The following CELF2 variants were observed in gnomAD, a reference collection of about 807,000 sequenced individuals.
CELF2 encodes CUGBP Elav-like family member 2.
A neutral mutation model predicts 62.6 loss-of-function variants in CELF2; 8 were observed. That is an observed-to-expected ratio of 0.13 (90% confidence interval 0.07 to 0.23). CELF2 has a LOEUF of 0.23. Among genes scored for constraint, CELF2 ranks in the 10% least tolerant of loss-of-function variants. The probability of loss-of-function intolerance (pLI) is 1.00; values close to 1 mark genes in which losing one functional copy is unlikely to be tolerated. For missense variants in CELF2, 333 were observed against 671.0 expected (o/e 0.50, Z 5.56); for synonymous variants, 258 against 250.0 (o/e 1.03, Z -0.30).
chr10:11,155,515 C>A (rs997645565), intron 1 of CELF2, among the ~76,000 whole-genome samples: 1 of 152,162 alleles, frequency 6.6e-6, no homozygotes, highest in African/African-American at 2.4e-5. Flanking sequence ...CCAGAGACCT[C>A]AAAGGGCATG....
the CELF2 span, among the ~76,000 whole-genome samples, chr10:10,723,211 T>C: frequency 6.6e-6 from 1 of 152,280 alleles, no homozygotes; most frequent in Admixed American, 6.5e-5. Context: ...GGTGGTGGTG[T>C]CGTTGTTGTT....
chr10:10,684,467 G>A, the CELF2 span, among the ~76,000 whole-genome samples: 8 of 152,158 alleles, frequency 5.3e-5, no homozygotes, highest in Non-Finnish European at 8.8e-5. Context: ...AATGAGCCAG[G>A]CACAGTGGCT....
At chr10:11,215,927 G>A (rs1050782860) in intron 2 of CELF2, among the ~76,000 whole-genome samples, 5 of 152,238 alleles carry the variant, frequency 3.3e-5, no homozygotes, top group South Asian at 4.2e-4. Flanking sequence ...GAAGTTGATC[G>A]GTTCAGTAAA....
intron 1 of CELF2, among the ~76,000 whole-genome samples, chr10:11,138,365 T>C (rs1009584491): frequency 1.6e-4 from 24 of 152,208 alleles, no homozygotes; most frequent in African/African-American, 5.8e-4. Flanking sequence ...TCCTGGGCAT[T>C]TTCTCTGTAG....
chr10:10,622,160 C>T, the CELF2 span, among the ~76,000 whole-genome samples: 7 of 152,162 alleles, frequency 4.6e-5, no homozygotes, highest in Admixed American at 1.3e-4. Context: ...GATTCTGAGG[C>T]GCTGCCAGGG....
the CELF2 span, among the ~76,000 whole-genome samples, chr10:10,502,404 G>C: frequency 1.3e-5 from 2 of 151,756 alleles, no homozygotes; most frequent in Admixed American, 6.6e-5. Flanking sequence ...CTCTGGGCCT[G>C]GATATTTAAG....
chr10:10,696,897 A>G, the CELF2 span, among the ~76,000 whole-genome samples: 1 of 152,124 alleles, frequency 6.6e-6, no homozygotes, highest in South Asian at 2.1e-4. Context: ...CTCCCTAGTG[A>G]GATGAACCCG....
In CELF2 at chr10:11,290,413, C is replaced by A. The variant is rs1203627746; in HGVS notation, c.976+1861C>A. On this transcript the variant is annotated intron_variant, in intron 9 of 12. Coordinates refer to ENST00000633077, the MANE Select transcript of CELF2 (RefSeq NM_001326342.2). The surrounding 1 kb of genome is among the most constrained non-coding windows in gnomAD (Gnocchi z 4.3). The stretch of plus-strand genomic sequence containing the variant: ...TGGGGGCTCTGTGGTGGACCGCGTC[C>A]GTTCCAGCCCACGTTGGGAGGAGTG... 6.6e-6 allele frequency among the ~76,000 whole-genome samples: 1 copy of A among 151,932 alleles called. No individual in the cohort carries two copies. Among genetic ancestry groups the A allele is most frequent in the Non-Finnish European group, 1.5e-5 (1 of 67,990 alleles).
At chr10:11,059,347 C>A (rs1373319894) in intron 1 of CELF2, among the ~76,000 whole-genome samples, 1 of 152,080 alleles carries the variant, frequency 6.6e-6, no homozygotes, top group African/African-American at 2.4e-5. Context: ...TTATACTGTA[C>A]CTGATCATTT....
In CELF2 at chr10:11,227,542, G is replaced by C. The variant is rs1457302283; in HGVS notation, c.354+10035G>C. Among the ~76,000 whole-genome samples, 1 of 152,210 alleles carries C rather than the reference G, an allele frequency of 6.6e-6. No homozygotes were observed. The highest frequency in any genetic ancestry group is 1.5e-5 in the Non-Finnish European group (1 of 68,030). ...TAGGATCAAAGGCTGAGCACTGGCT[G>C]CGATATTAGGGCCAGTTCTGGGTTG... On this transcript the variant is annotated intron_variant, in intron 3 of 12. Transcript: ENST00000633077. This position sits in a 1 kb window ranked among gnomAD's most constrained non-coding sequence, Gnocchi z 4.8.
chr10:11,045,055 C>T (rs1418940090), intron 1 of CELF2, among the ~76,000 whole-genome samples: 1 of 152,136 alleles, frequency 6.6e-6, no homozygotes, highest in Non-Finnish European at 1.5e-5. Context: ...GATAATGTTC[C>T]AGTGCCTTCC....
chr10:11,025,205 ATATGTGTG>A (rs1161201755), intron 1 of CELF2, among the ~76,000 whole-genome samples: 44 of 122,922 alleles, frequency 3.6e-4, no homozygotes, highest in African/African-American at 1.2e-3. Context: ...GTATATACAT[ATATGTGTG>A]TGTGTGTGTG....
At chr10:10,889,902 T>C (rs2062012307) in intron 1 of CELF2, among the ~76,000 whole-genome samples, 1 of 152,212 alleles carries the variant, frequency 6.6e-6, no homozygotes, top group African/African-American at 2.4e-5. Context: ...TGGAAGAGTG[T>C]ACAGTCTTTC....
At chr10:10,555,310 A>G in the CELF2 span, among the ~76,000 whole-genome samples, 1 of 151,212 alleles carries the variant, frequency 6.6e-6, no homozygotes, top group Non-Finnish European at 1.5e-5. Flanking sequence ...CATCCATGGT[A>G]AAGTTAAAAT....
chr10:10,923,839 T>C (rs1436792599), intron 2 of CELF2: 2 of 152,276 alleles, frequency 1.3e-5, no homozygotes, highest in Non-Finnish European at 2.9e-5. Flanking sequence ...TTTTGAACTA[T>C]GAAAACAATC....
chr10:11,203,998 G>A (rs1024010783), intron 2 of CELF2, among the ~76,000 whole-genome samples: 4 of 152,218 alleles, frequency 2.6e-5, no homozygotes, highest in African/African-American at 9.6e-5. Flanking sequence ...GAGACTGGGG[G>A]AGAGGACAGA....
chr10:10,576,694 C>T, the CELF2 span, among the ~76,000 whole-genome samples: 6 of 152,294 alleles, frequency 3.9e-5, no homozygotes, highest in East Asian at 1.2e-3. Context: ...CCTTCACCTC[C>T]TTCAGGGTGC....
Position 11,260,869 on chromosome 10 carries a change from T to C in CELF2, c.538+2997T>C, listed in dbSNP as rs185166190. 7.4e-4 allele frequency among the ~76,000 whole-genome samples: 112 copies of C among 152,336 alleles called. No individual in the cohort carries two copies. The highest frequency in any genetic ancestry group is 2.6e-3 in the African/African-American group (109 of 41,572). On this transcript the variant is annotated intron_variant, in intron 5 of 12. Coordinates refer to ENST00000633077, the MANE Select transcript of CELF2 (RefSeq NM_001326342.2). The surrounding 1 kb of genome is among the most constrained non-coding windows in gnomAD (Gnocchi z 4.2). Reference sequence around the variant, plus strand: ...ATCAGTGTATTTGTTAAAAGCACAATTCTCTTTCATGCTACCATTTTGCTT... The same window carrying C: ...ATCAGTGTATTTGTTAAAAGCACAACTCTCTTTCATGCTACCATTTTGCTT...
chr10:11,197,927 A>G (rs75800991), intron 2 of CELF2, among the ~76,000 whole-genome samples: 8,218 of 152,338 alleles, frequency 0.054, 315 homozygotes, highest in Non-Finnish European at 0.081. Context: ...GGCAGCTTCA[A>G]GGCAGTTGCA....
Sources: gnomAD v4.1 joint callset for allele counts (sites outside exome capture counted in the v4.1 genomes callset) on GRCh38, gnomAD v4.1.1 for gene constraint, Gnocchi (gnomAD v3.1) non-coding constraint, MANE v1.5 for transcripts, NCBI Gene and HGNC (gene_info 2026-07-23, HGNC 2026-07-21) for gene names.